TREML2: variants seen among roughly 807,000 people sequenced by gnomAD.
TREML2 encodes triggering receptor expressed on myeloid cells like 2.
A neutral mutation model predicts 25.9 loss-of-function variants in TREML2; 24 were observed. The ratio of observed to expected loss-of-function variants is 0.93; its 90% CI spans 0.67 to 1.30. The LOEUF (loss-of-function observed/expected upper bound fraction) is 1.30. Ranked by LOEUF, TREML2 falls within the 50% of genes most tolerant of loss-of-function variation. The pLI is 0.00. For synonymous variants in TREML2, 139 were observed against 155.2 expected, an observed-to-expected ratio of 0.90 and a Z score of 0.77; for missense variants, 359 against 395.6, an observed-to-expected ratio of 0.91 and a Z score of 0.78.
At chr6:41,196,198 T>C (rs1234074620) in intron 2 of TREML2, among the ~76,000 whole-genome samples, 1 of 152,232 alleles carries the variant, frequency 6.6e-6, no homozygotes, top group Admixed American at 6.5e-5. Context: ...AAGCATATAA[T>C]GTTTAATGTT....
intron 3 of TREML2, 49 bp from the exon 4 acceptor site, chr6:41,192,950 T>C: frequency 2.1e-6 from 3 of 1,454,778 alleles, no homozygotes; most frequent in Non-Finnish European, 2.8e-6. Context: ...AGGTCCCCCA[T>C]CCTAACCCAC....
Position 41,192,264 on chromosome 6 carries a change from G to T in TREML2, c.*163C>A. 1 of 638,350 alleles carries T rather than the reference G, an allele frequency of 1.6e-6. No individual in the cohort carries two copies. Among genetic ancestry groups the T allele is most frequent in the Non-Finnish European group, 2.8e-6 (1 of 354,274 alleles). 39.5% of individuals were successfully genotyped at this position (638,350 alleles called of 1,614,324 possible). On this transcript the variant is annotated 3_prime_UTR_variant, in exon 5 of 5. Coordinates refer to ENST00000483722, the MANE Select transcript of TREML2 (RefSeq NM_024807.4). ...CCCAAGGAGAACACTGGGCTGTGGG[G>T]CTGCTTAGGATGGCAGCCTCTGGGT...
chr6:41,194,395 G>A (rs1766119607), intron 3 of TREML2, 30 bp downstream of exon 3: 4 of 1,514,150 alleles, frequency 2.6e-6, no homozygotes, highest in Non-Finnish European at 3.5e-6. Context: ...CTAAGTGCTG[G>A]TGCCACTCAA....
rs374965523 is a variant in TREML2 at position 41,198,456 on chromosome 6, G to A, written c.56-27C>T. ...TGTGGAGACAATACTTATTGAATAA[G>A]GTCTGGCAAGAGGAGAGGAAGAAGA... On this transcript the variant is annotated intron_variant, in intron 1 of 4. Coordinates refer to ENST00000483722, the MANE Select transcript of TREML2 (RefSeq NM_024807.4). 1.3e-5 allele frequency: 21 copies of A among 1,578,998 alleles called. No individual in the cohort carries two copies. In the African/African-American group the frequency reaches 2.2e-4, roughly 16 times the overall value.
rs1326417272 is a variant in TREML2, at chr6:41,198,443, A to G, written c.56-14T>C. On this transcript the variant is annotated splice_polypyrimidine_tract_variant and intron_variant, in intron 1 of 4. Transcript: ENST00000483722. ...CAGCAGAGGGGCCTGTGGAGACAAT[A>G]CTTATTGAATAAGGTCTGGCAAGAG... The G allele has an allele frequency of 3.8e-6, 6 of 1,595,702 alleles. No individual in the cohort carries two copies. Among genetic ancestry groups the G allele is most frequent in the Non-Finnish European group, 4.3e-6 (5 of 1,167,924 alleles).
At chr6:41,193,847 CCT>C (rs948761570) in intron 3 of TREML2, among the ~76,000 whole-genome samples, 1 of 136,250 alleles carries the variant, frequency 7.3e-6, no homozygotes, top group African/African-American at 2.7e-5. Flanking sequence ...CCCCCTCTCC[CCT>C]GATACTCCTC....
chr6:41,198,249 A>C lies in TREML2; in HGVS notation c.236T>G (p.Leu79Arg). 6.2e-7 allele frequency: 1 copy of C among 1,614,268 alleles called. No homozygotes were observed. Among genetic ancestry groups the C allele is most frequent in the Non-Finnish European group, 8.5e-7 (1 of 1,180,052 alleles). ...RVWVKGPRYL[L>R]QDDAQAKVVN... The stretch of plus-strand genomic sequence containing the variant: ...CACCTTGGCCTGGGCATCGTCCTGC[A>C]GCAAGTAGCGGGGCCCTTTCACCCA... The change falls in exon 2 of 5, where the codon CTG (leucine) becomes CGG (arginine). Residue 79 changes from leucine to arginine, a missense_variant. Coordinates refer to ENST00000483722, the MANE Select transcript of TREML2 (RefSeq NM_024807.4).
At chr6:41,200,490 A>G (rs184847085) in intron 1 of TREML2, among the ~76,000 whole-genome samples, 2 of 152,334 alleles carry the variant, frequency 1.3e-5, no homozygotes, top group East Asian at 1.9e-4. Context: ...GAGCATTGGT[A>G]TCTGTGAGGT....
intron 4 of TREML2, 50 bp downstream of exon 4, chr6:41,192,751 A>C (rs1186832049): frequency 6.6e-7 from 1 of 1,522,452 alleles, no homozygotes; most frequent in Admixed American, 1.7e-5. Context: ...CCCTTAGTGC[A>C]GTTACCCAGA....
intron 3 of TREML2, among the ~76,000 whole-genome samples, chr6:41,193,700 T>C (rs976978678): frequency 6.6e-6 from 1 of 151,514 alleles, no homozygotes; most frequent in Non-Finnish European, 1.5e-5. Flanking sequence ...GGCGCATCCT[T>C]GCCCTATCCT....
rs1582095079 is a variant in TREML2 at position 41,192,376 on chromosome 6, A to C, written c.*51T>G. On this transcript the variant is annotated 3_prime_UTR_variant, in exon 5 of 5. Transcript: ENST00000483722. ...GGCCCCAATCTTCACCCCTCCTCTA[A>C]CCCCCTGGGGCCACTCTGGGAGAAG... 6.8e-7 allele frequency: 1 copy of C among 1,470,406 alleles called. No individual in the cohort carries two copies. Among genetic ancestry groups the C allele is most frequent in the Non-Finnish European group, 9.5e-7 (1 of 1,054,066 alleles). The allele number at this position is 1,470,406 out of a possible 1,614,324, so 91.1% of individuals were successfully genotyped here. A position where few individuals can be genotyped will look rare whatever the true frequency, so the allele number is the denominator to read the frequency against.
chr6:41,195,823 C>G (rs1327927673), intron 2 of TREML2, among the ~76,000 whole-genome samples: 1 of 152,218 alleles, frequency 6.6e-6, no homozygotes, highest in Non-Finnish European at 1.5e-5. Flanking sequence ...TCCTACAACA[C>G]TCAGTTAAGC....
At position 41,198,516 on chromosome 6, in the gene TREML2, A is replaced by G. The variant is rs551710101; in HGVS notation, c.56-87T>C. The G allele has an allele frequency of 3.8e-5, 52 of 1,366,480 alleles. No individual in the cohort carries two copies. In the African/African-American group the frequency reaches 5.7e-4, roughly 15 times the overall value. 84.6% of individuals were successfully genotyped at this position (1,366,480 alleles called of 1,614,324 possible). On this transcript the variant is annotated intron_variant, in intron 1 of 4. Transcript: ENST00000483722. Reference sequence around the variant, plus strand: ...AGTTGAAGATCATGGTGAAGGGTAGAGTGGATATTGTCCTGCTGTCACAGA... The same window carrying G: ...AGTTGAAGATCATGGTGAAGGGTAGGGTGGATATTGTCCTGCTGTCACAGA...
chr6:41,200,675 G>A (rs1194153860), intron 1 of TREML2, among the ~76,000 whole-genome samples: 1 of 152,228 alleles, frequency 6.6e-6, no homozygotes, highest in Non-Finnish European at 1.5e-5. Flanking sequence ...ATTTGTGTGA[G>A]GAAATTGAGG....
Position 41,194,786 on chromosome 6 carries a change from G to A in TREML2, c.424C>T (p.Leu142Phe), listed in dbSNP as rs1766130235. Residue 142 changes from leucine to phenylalanine, a missense_variant, in exon 3 of 5, where the codon CTC becomes TTC. Transcript: ENST00000483722. ...CCAGTTGTGACAGTTCCACTCTTGA[G>A]GATGTTGTCCAGATGTGTGAAAGGA... Reference protein sequence around the residue: ...NIPFTHLDNILKSGTVTTGQA... With the variant: ...NIPFTHLDNIFKSGTVTTGQA... The A allele has an allele frequency of 6.2e-7, 1 of 1,605,502 alleles. No individual in the cohort carries two copies. Among genetic ancestry groups the A allele is most frequent in the South Asian group, 1.1e-5 (1 of 89,604 alleles).
At chr6:41,198,457 G>A (rs1157965189) in intron 1 of TREML2, 28 bp from the exon 2 acceptor site, 4 of 1,579,132 alleles carry the variant, frequency 2.5e-6, no homozygotes, top group African/African-American at 1.3e-5. Context: ...ATTGAATAAG[G>A]TCTGGCAAGA....
In TREML2 at chr6:41,191,211, GT is replaced by G. The variant is rs1299788514; in HGVS notation, c.*1215del. 5 of 159,226 alleles carry G rather than the reference GT, an allele frequency of 3.1e-5. No homozygotes were observed. Among genetic ancestry groups the G allele is most frequent in the African/African-American group, 1.2e-4 (5 of 41,352 alleles). 9.9% of individuals were successfully genotyped at this position (159,226 alleles called of 1,614,324 possible). A position where few individuals can be genotyped will look rare whatever the true frequency, so the allele number is the denominator to read the frequency against. ...TGTGTGTGTGTGTGTGTGTGTGTGT[GT>G]GTGTGTGTGTAGGGGAATCCAGGCT... On this transcript the variant is annotated 3_prime_UTR_variant, in exon 5 of 5. Coordinates refer to ENST00000483722, the MANE Select transcript of TREML2 (RefSeq NM_024807.4).
intron 4 of TREML2, 91 bp downstream of exon 4, chr6:41,192,710 G>T: frequency 7.8e-7 from 1 of 1,290,172 alleles, no homozygotes; most frequent in Non-Finnish European, 1.1e-6. Context: ...ACAGGCCAAG[G>T]GCCATACCAC....
At position 41,194,679 on chromosome 6, in the gene TREML2, C is replaced by T. The variant is rs1323128895; in HGVS notation, c.531G>A (p.Arg177=). The T allele has an allele frequency of 1.2e-6, 2 of 1,613,894 alleles. No homozygotes were observed. The highest frequency in any genetic ancestry group is 4.5e-5 in the East Asian group (2 of 44,870). The change falls in exon 3 of 5, where the codon AGG becomes AGA. Residue 177 remains arginine, a synonymous_variant. Transcript: ENST00000483722. ...VFTPGLITLP[R]LLASTRPASK... is the part of the protein sequence containing the mutation. ...AGGCAGGTCTGGTGGAGGCTAAGAG[C>T]CTAGGCAAGGTGATGAGTCCTGGGG...
Sources: gnomAD v4.1 joint callset for allele counts (sites outside exome capture counted in the v4.1 genomes callset) on GRCh38, gnomAD v4.1.1 for gene constraint, MANE v1.5 for transcripts, NCBI Gene and HGNC (gene_info 2026-07-23, HGNC 2026-07-21) for gene names.